PIR: variants seen among roughly 807,000 people sequenced by gnomAD.
The protein encoded by PIR is pirin.
A neutral mutation model predicts 24.2 loss-of-function variants in PIR; 22 were observed. The observed-to-expected ratio is 0.91, with a 90% confidence interval of 0.65 to 1.30. The LOEUF (loss-of-function observed/expected upper bound fraction) is 1.30, where lower values mean the gene tolerates loss of function less well. Among genes scored for constraint, PIR ranks in the 50% most tolerant of loss-of-function variants. The pLI, the probability that PIR is intolerant of heterozygous loss-of-function variation, is 0.00. For synonymous variants in PIR, 80 were observed against 79.6 expected (o/e 1.00, Z -0.03); for missense variants, 220 against 220.3 (o/e 1.00, Z 0.01).
intron 8 of PIR, among the ~76,000 whole-genome samples, chrX:15,396,202 G>A (rs907893176): frequency 1.2e-4 from 13 of 112,085 alleles, no homozygotes; most frequent in African/African-American, 4.2e-4. Flanking sequence ...AAAAGTCGCA[G>A]TTTCATATGG....
chrX:15,486,497 T>C (rs978968489), intron 2 of PIR, among the ~76,000 whole-genome samples: 1 of 110,692 alleles, frequency 9.0e-6, no homozygotes, highest in Non-Finnish European at 1.9e-5. Context: ...TCTGTGTACA[T>C]AAAAGGTACT....
At chrX:15,435,503 C>A (rs1387711775) in intron 5 of PIR, among the ~76,000 whole-genome samples, 1 of 112,065 alleles carries the variant, frequency 8.9e-6, no homozygotes, top group Non-Finnish European at 1.9e-5. Flanking sequence ...ATGGGGAAAA[C>A]CAAGTGTTCA....
intron 6 of PIR, among the ~76,000 whole-genome samples, chrX:15,425,703 C>T (rs1483493727): frequency 1.8e-5 from 2 of 112,234 alleles, no homozygotes; most frequent in Non-Finnish European, 3.8e-5. Flanking sequence ...AGCCACCGTG[C>T]CCGGCCTCTT....
chrX:15,491,347 G>A, intron 1 of PIR, 38 bp from the exon 2 acceptor site: 2 of 560,452 alleles, frequency 3.6e-6, no homozygotes, highest in East Asian at 6.8e-5. Flanking sequence ...AAGTCATAAA[G>A]GAGGGAACAT....
chrX:15,414,749 C>T (rs1924857891), intron 6 of PIR, among the ~76,000 whole-genome samples: 1 of 111,184 alleles, frequency 9.0e-6, no homozygotes, highest in Non-Finnish European at 1.9e-5. Flanking sequence ...TTGTCTCGAA[C>T]TCCTGGCCTC....
rs145644402 is a variant in PIR at position 15,391,530 on chromosome X, A to G, written c.694-1279T>C. Among the ~76,000 whole-genome samples, 447 of 112,293 alleles carry G rather than the reference A, an allele frequency of 4.0e-3. 1 individual carries two copies. The highest frequency in any genetic ancestry group is 4.0e-3 in the Non-Finnish European group (215 of 53,286). On this transcript the variant is annotated intron_variant, in intron 8 of 9. Coordinates refer to ENST00000380420, the MANE Select transcript of PIR (RefSeq NM_001018109.3). ...AATTGTAAGAGTCCTATCTATCAAA[A>G]TCATACGTATATCATACATATATAC...
intron 3 of PIR, among the ~76,000 whole-genome samples, chrX:15,473,416 T>C (rs1029286592): frequency 1.8e-4 from 20 of 112,315 alleles, no homozygotes; most frequent in Non-Finnish European, 3.6e-4. Context: ...TTGACGAATA[T>C]TTAAATTGGC....
chrX:15,467,222 A>T (rs774379981), intron 3 of PIR, among the ~76,000 whole-genome samples: 21 of 112,603 alleles, frequency 1.9e-4, no homozygotes, highest in Non-Finnish European at 3.8e-4. Context: ...ATCGTGGCTT[A>T]GTGAGATTAA....
At chrX:15,426,846 C>T (rs773514019) in intron 5 of PIR, among the ~76,000 whole-genome samples, 2 of 111,680 alleles carry the variant, frequency 1.8e-5, no homozygotes, top group South Asian at 3.7e-4. Flanking sequence ...GTAGCACAGA[C>T]GAATATATGC....
At chrX:15,441,568 G>C (rs1925915269) in intron 5 of PIR, among the ~76,000 whole-genome samples, 1 of 110,560 alleles carries the variant, frequency 9.0e-6, no homozygotes, top group Admixed American at 9.7e-5. Context: ...TATGTTAATA[G>C]AAAAAAAATC....
chrX:15,424,608 T>C (rs1199738768), intron 6 of PIR, among the ~76,000 whole-genome samples: 3 of 112,500 alleles, frequency 2.7e-5, no homozygotes, highest in Non-Finnish European at 5.6e-5. Flanking sequence ...AATATCCTAA[T>C]TATACTGACT....
Position 15,415,462 on chromosome X carries a change from A to G in PIR, c.566-7912T>C, listed in dbSNP as rs564134607. Among the ~76,000 whole-genome samples, 12 of 112,212 alleles carry G rather than the reference A, an allele frequency of 1.1e-4. No homozygotes were observed. The East Asian group carries it at 3.3e-3, about 31-fold the overall frequency. On this transcript the variant is annotated intron_variant, in intron 6 of 9. Transcript: ENST00000380420. ...TTTCCTCTGTTTCAAACCATGTTTT[A>G]AAAAATGTAATTGTATCTTACCATA...
intron 6 of PIR, among the ~76,000 whole-genome samples, chrX:15,425,411 C>CTTTTTTTTTTTTTTTTTTTTTTTTTTTT (rs756160029): frequency 1.1e-5 from 1 of 92,111 alleles, no homozygotes; most frequent in African/African-American, 4.2e-5. Context: ...TTCTTTCTTT[C>CTTTTTTTTTTTTTTTTTTTTTTTTTTTT]TTTTTTTTTT....
At chrX:15,425,411 C>CTTTTTTTTTTTTT (rs756160029) in intron 6 of PIR, among the ~76,000 whole-genome samples, 3 of 92,095 alleles carry the variant, frequency 3.3e-5, no homozygotes, top group African/African-American at 1.3e-4. Context: ...TTCTTTCTTT[C>CTTTTTTTTTTTTT]TTTTTTTTTT....
chrX:15,457,620 G>A (rs1164074766), intron 4 of PIR, among the ~76,000 whole-genome samples: 1 of 111,904 alleles, frequency 8.9e-6, no homozygotes, highest in Non-Finnish European at 1.9e-5. Flanking sequence ...AGGGGAAGAG[G>A]AAGAGGATTC....
intron 3 of PIR, among the ~76,000 whole-genome samples, chrX:15,466,259 A>G (rs1921588919): frequency 9.0e-6 from 1 of 111,685 alleles, no homozygotes; most frequent in Non-Finnish European, 1.9e-5. Flanking sequence ...GACTCACCCA[A>G]TCCCAACCCC....
chrX:15,425,227 T>C (rs1925266361), intron 6 of PIR, among the ~76,000 whole-genome samples: 1 of 109,334 alleles, frequency 9.1e-6, no homozygotes, highest in African/African-American at 3.3e-5. Context: ...TGTGAGTCAA[T>C]AGGAGCTGGA....
At chrX:15,463,015 A>G (rs1921376515) in intron 3 of PIR, among the ~76,000 whole-genome samples, 1 of 111,769 alleles carries the variant, frequency 8.9e-6, no homozygotes, top group Non-Finnish European at 1.9e-5. Context: ...TTGAGTTTGC[A>G]GAGCCAAGCC....
At chrX:15,396,930 C>T (rs1183363047) in intron 8 of PIR, among the ~76,000 whole-genome samples, 8 of 111,223 alleles carry the variant, frequency 7.2e-5, no homozygotes, top group African/African-American at 2.3e-4. Context: ...TTAGTGGACA[C>T]GGGGTTTCAC....
Sources: allele counts gnomAD v4.1 joint callset (sites outside exome capture counted in the v4.1 genomes callset), GRCh38; gene constraint gnomAD v4.1.1; transcripts MANE v1.5; gene names NCBI Gene and HGNC (gene_info 2026-07-23, HGNC 2026-07-21).